TLE6: variants seen among roughly 807,000 people sequenced by gnomAD.
TLE6 encodes the protein TLE family member 6, subcortical maternal complex member.
A neutral mutation model predicts 77.1 loss-of-function variants in TLE6; 72 were observed. That is an observed-to-expected ratio of 0.93 (90% CI 0.77 to 1.14). The LOEUF is 1.14. Ranked by LOEUF, TLE6 falls within the 50% of genes most tolerant of loss-of-function variation. The pLI is 0.00. For synonymous variants in TLE6, 366 were observed against 287.3 expected (o/e 1.27, Z -2.77); for missense variants, 843 against 747.6 (o/e 1.13, Z -1.49).
At chr19:2,985,230 A>G (rs2088882271) in intron 5 of TLE6, among the ~76,000 whole-genome samples, 1 of 151,898 alleles carries the variant, frequency 6.6e-6, no homozygotes, top group Non-Finnish European at 1.5e-5. Context: ...AGCCTGGGCG[A>G]CAGAGCAAGA....
rs988496577 is a variant in TLE6, at chr19:2,989,484, A to T, written c.994-51A>T. 7 of 1,586,128 alleles carry T rather than the reference A, an allele frequency of 4.4e-6. No homozygotes were observed. The African/African-American group carries it at 8.1e-5, about 18-fold the overall frequency. On this transcript the variant is annotated intron_variant, in intron 12 of 16. Coordinates refer to ENST00000246112, the MANE Select transcript of TLE6 (RefSeq NM_001143986.2). The stretch of plus-strand genomic sequence containing the variant: ...TCGCTCTCATGAGGCAAAGCAGTCC[A>T]GGCAGAATGCCACGGGGGGCGACAG...
intron 14 of TLE6, among the ~76,000 whole-genome samples, chr19:2,992,224 G>A (rs1384507518): frequency 6.6e-6 from 1 of 152,128 alleles, no homozygotes; most frequent in African/African-American, 2.4e-5. Context: ...TGTAATCCCA[G>A]CACTTTTGGA....
At chr19:2,978,532 T>G (rs1049648926) in intron 2 of TLE6, among the ~76,000 whole-genome samples, 1 of 152,122 alleles carries the variant, frequency 6.6e-6, no homozygotes, top group Admixed American at 6.6e-5. Flanking sequence ...GGAGGACCAC[T>G]TGAGCCCAGG....
intron 2 of TLE6, among the ~76,000 whole-genome samples, 192 bp from the exon 3 acceptor site, chr19:2,979,908 G>A (rs1314591866): frequency 6.7e-6 from 1 of 148,810 alleles, no homozygotes; most frequent in Non-Finnish European, 1.5e-5. Context: ...AGTTTGCAGT[G>A]AGCTGAGATT....
rs765390362 is a variant in TLE6 at position 2,994,889 on chromosome 19, C to G, written c.1615-11C>G. The stretch of plus-strand genomic sequence containing the variant: ...CCTACCCCAGCTCACTGCCCACTGC[C>G]CCCCCTCCAGGTGCCTGAGATGTCT... On this transcript the variant is annotated splice_polypyrimidine_tract_variant and intron_variant, in intron 16 of 16. Coordinates refer to ENST00000246112, the MANE Select transcript of TLE6 (RefSeq NM_001143986.2). 1.9e-6 allele frequency: 3 copies of G among 1,569,160 alleles called. No individual in the cohort carries two copies. In the Admixed American group the frequency reaches 5.3e-5, roughly 28 times the overall value.
At position 2,988,121 on chromosome 19, in the gene TLE6, C is replaced by T. The variant is rs1454820465; in HGVS notation, c.733C>T (p.Gln245Ter). 3.2e-6 allele frequency: 5 copies of T among 1,551,810 alleles called. No individual in the cohort carries two copies. Among genetic ancestry groups the T allele is most frequent in the East Asian group, 2.4e-5 (1 of 40,920 alleles). Reference sequence around the variant, plus strand: ...TCCTGGAAGAGCCTCTCGGTTTCTACAGTCCATGTAAGTGTCTGCACTGTT... The same window carrying T: ...TCCTGGAAGAGCCTCTCGGTTTCTATAGTCCATGTAAGTGTCTGCACTGTT... ...EPPGRASRFL[Q>*]SISWDPEDFE... Residue 245 changes from glutamine to a stop codon, truncating the protein, a stop_gained, in exon 11 of 17, where the codon CAG becomes TAG. Transcript: ENST00000246112. LOFTEE classifies it high-confidence loss of function.
chr19:2,994,300 A>AC lies in TLE6; in HGVS notation c.1614+209dup, dbSNP rs111813987. ...AGACCAGCCTGGCCAACATAGTGAG[A>AC]CCCCATCTCTACAAAAAATAATTAG... On this transcript the variant is annotated intron_variant, in intron 16 of 16. Coordinates refer to ENST00000246112, the MANE Select transcript of TLE6 (RefSeq NM_001143986.2). Among the ~76,000 whole-genome samples the AC allele has an allele frequency of 6.2e-3, 948 of 151,728 alleles. 8 individuals carry two copies. The highest frequency in any genetic ancestry group is 0.022 in the African/African-American group (907 of 41,386).
At chr19:2,993,032 A>AC (rs2089116153) in intron 14 of TLE6, among the ~76,000 whole-genome samples, 1 of 147,256 alleles carries the variant, frequency 6.8e-6, no homozygotes, top group African/African-American at 2.5e-5. Context: ...CTACTAAAAA[A>AC]AAAAAAAAAA....
Position 2,983,077 on chromosome 19 carries a change from T to G in TLE6, c.222+888T>G, listed in dbSNP as rs2088831865. On this transcript the variant is annotated intron_variant, in intron 5 of 16. Coordinates refer to ENST00000246112, the MANE Select transcript of TLE6 (RefSeq NM_001143986.2). The stretch of plus-strand genomic sequence containing the variant: ...TTTCTCCCAGGCGCTGGCAGGATTT[T>G]CCGCCTGTGCCAGATGTAACTGGCA... 2.0e-5 allele frequency among the ~76,000 whole-genome samples: 3 copies of G among 152,112 alleles called. No individual in the cohort carries two copies. In the South Asian group the frequency reaches 6.2e-4, roughly 32 times the overall value.
In TLE6 at chr19:2,987,175, AC is replaced by A; in HGVS notation, c.480del (p.Glu161SerfsTer154). 1 of 1,614,060 alleles carries A rather than the reference AC, an allele frequency of 6.2e-7. No homozygotes were observed. Among genetic ancestry groups the A allele is most frequent in the Non-Finnish European group, 8.5e-7 (1 of 1,180,016 alleles). On this transcript the variant is annotated frameshift_variant, in exon 7 of 17. Coordinates refer to ENST00000246112, the MANE Select transcript of TLE6 (RefSeq NM_001143986.2). LOFTEE classifies it high-confidence loss of function. ...KEPWFWHDTL[T>X]EQLWRIFAGV... ...GCCTTGGTTTTGGCACGACACTCTGACCGAGCAACTCTGGCGGATTTTTGCC... is the reference window on the plus strand; with the variant it reads ...GCCTTGGTTTTGGCACGACACTCTGACGAGCAACTCTGGCGGATTTTTGCC...
At chr19:2,980,935 C>T (rs532263193) in intron 3 of TLE6, among the ~76,000 whole-genome samples, 2 of 151,894 alleles carry the variant, frequency 1.3e-5, no homozygotes, top group South Asian at 4.2e-4. Flanking sequence ...CCTGTAGTCC[C>T]AGCTACTCAG....
intron 13 of TLE6, among the ~76,000 whole-genome samples, chr19:2,991,393 TATACACAC>T (rs1402738856): frequency 2.0e-4 from 22 of 110,032 alleles, no homozygotes; most frequent in South Asian, 5.9e-4. Flanking sequence ...TATATATATA[TATACACAC>T]ACACACACAC....
chr19:2,993,355 T>A, intron 14 of TLE6, 77 bp from the exon 15 acceptor site: 2 of 1,482,376 alleles, frequency 1.3e-6, no homozygotes. Flanking sequence ...CCAGGATAGG[T>A]CCCCAGGCTC....
At chr19:2,979,193 C>G (rs1021801950) in intron 2 of TLE6, among the ~76,000 whole-genome samples, 21 of 152,066 alleles carry the variant, frequency 1.4e-4, no homozygotes, top group African/African-American at 5.1e-4. Flanking sequence ...ACCTCGTGAT[C>G]TGCCTGCCTC....
rs745545547 is a variant in TLE6, at chr19:2,991,880, G to T, written c.1282G>T (p.Val428Leu). The part of the protein sequence containing the change: ...KGYPDGVKSI[V>L]VKGYNIWTGG... ...TTATCCTGATGGAGTCAAGAGTATC[G>T]TGGTCAAGGGCTACAACATCTGGAC... Residue 428 changes from valine to leucine, a missense_variant, in exon 14 of 17, where the codon GTG becomes TTG. By Grantham distance (32) the Val-to-Leu change is conservative. Coordinates refer to ENST00000246112, the MANE Select transcript of TLE6 (RefSeq NM_001143986.2). 3.1e-6 allele frequency: 5 copies of T among 1,613,636 alleles called. No individual in the cohort carries two copies. The African/African-American group carries it at 6.7e-5, about 22-fold the overall frequency.
In TLE6 at chr19:2,987,142, G is replaced by C. The variant is rs1484986784; in HGVS notation, c.445G>C (p.Asp149His). Residue 149 changes from aspartate to histidine, a missense_variant, in exon 7 of 17, where the codon GAC becomes CAC. Transcript: ENST00000246112. Reference sequence around the variant, plus strand: ...TCAGCCGGAGACCCAGCTGTTCTGGGACAAGGAGCCTTGGTTTTGGCACGA... The same window carrying C: ...TCAGCCGGAGACCCAGCTGTTCTGGCACAAGGAGCCTTGGTTTTGGCACGA... The part of the protein sequence containing the change: ...DNQPETQLFW[D>H]KEPWFWHDTL... The C allele has an allele frequency of 6.2e-7, 1 of 1,614,078 alleles. No homozygotes were observed. Among genetic ancestry groups the C allele is most frequent in the Non-Finnish European group, 8.5e-7 (1 of 1,180,030 alleles).
Position 2,989,681 on chromosome 19 carries a change from C to T in TLE6, c.1140C>T (p.Leu380=). The change falls in exon 13 of 17, where the codon CTC becomes CTT. Residue 380 remains leucine (L), a synonymous_variant. Transcript: ENST00000246112. ...AGGAGCAGTTGCCCTGTGCAGGTCT[C>T]AACTGCCAGGCCCTGGATGCCAACC... ...HVKEQLPCAG[L]NCQALDANLD... The T allele has an allele frequency of 6.2e-7, 1 of 1,614,216 alleles. No homozygotes were observed. Among genetic ancestry groups the T allele is most frequent in the Non-Finnish European group, 8.5e-7 (1 of 1,180,046 alleles).
At chr19:2,982,226 C>T (rs2088812258) in intron 5 of TLE6, 37 bp downstream of exon 5, 1 of 1,550,388 alleles carries the variant, frequency 6.4e-7, no homozygotes, top group Non-Finnish European at 8.7e-7. Flanking sequence ...GGCTGTCCCT[C>T]CATGAAAGGC....
At position 2,989,635 on chromosome 19, in the gene TLE6, C is replaced by A; in HGVS notation, c.1094C>A (p.Ala365Glu). The A allele has an allele frequency of 6.2e-7, 1 of 1,614,166 alleles. No homozygotes were observed. The highest frequency in any genetic ancestry group is 1.1e-5 in the South Asian group (1 of 91,084). The change falls in exon 13 of 17, where the codon GCG becomes GAG. Residue 365 changes from alanine (A) to glutamate (E), a missense_variant. Ala to Glu is a moderately radical substitution (Grantham distance 107). Transcript: ENST00000246112. ...NLASVSVWDLAAPSLHVKEQL... is the reference protein window; with the variant it reads ...NLASVSVWDLEAPSLHVKEQL... ...GCCAGCGTGAGCGTGTGGGACCTGG[C>A]GGCGCCCTCCCTGCATGTGAAGGAG...
Sources: gnomAD v4.1 joint callset for allele counts (sites outside exome capture counted in the v4.1 genomes callset) on GRCh38, gnomAD v4.1.1 for gene constraint, MANE v1.5 for transcripts, NCBI Gene and HGNC (gene_info 2026-07-23, HGNC 2026-07-21) for gene names.